Variants in ADGRL3 observed in about 807,000 individuals in gnomAD.
ADGRL3 encodes the protein calcium-independent alpha-latrotoxin receptor 3.
Under a neutral mutation model 153.5 loss-of-function variants are expected in ADGRL3, and 62 were observed. That is an observed-to-expected ratio of 0.40 (90% confidence interval 0.33 to 0.50). ADGRL3 has a LOEUF of 0.50. Ranked by LOEUF, ADGRL3 falls within the 20% of genes least tolerant of loss-of-function variation. The pLI, the probability that ADGRL3 is intolerant of heterozygous loss-of-function variation, is 0.47. For missense variants in ADGRL3, 1,641 were observed against 1,859.4 expected, an observed-to-expected ratio of 0.88 and a Z score of 2.16; for synonymous variants, 710 against 672.5, an observed-to-expected ratio of 1.06 and a Z score of -0.86.
intron 9 of ADGRL3, among the ~76,000 whole-genome samples, chr4:61,883,339 G>T (rs902439118): frequency 1.3e-5 from 2 of 151,980 alleles, no homozygotes; most frequent in African/African-American, 4.8e-5. Context: ...CTTCTGTATC[G>T]CCAGCACTTA....
At chr4:61,510,583 T>C (rs187206064) in intron 3 of ADGRL3, among the ~76,000 whole-genome samples, 188 of 152,334 alleles carry the variant, frequency 1.2e-3, no homozygotes, top group Middle Eastern at 3.4e-3. Flanking sequence ...TGTGTGGCTT[T>C]ATTTCTGGCT....
At chr4:61,296,750 T>C (rs2094426657) in intron 1 of ADGRL3, among the ~76,000 whole-genome samples, 1 of 152,170 alleles carries the variant, frequency 6.6e-6, no homozygotes, top group Admixed American at 6.6e-5. Context: ...TGATATTGTG[T>C]ACCTTTATTT....
intron 8 of ADGRL3, among the ~76,000 whole-genome samples, chr4:61,735,349 G>A (rs2096494599): frequency 6.6e-6 from 1 of 152,150 alleles, no homozygotes; most frequent in South Asian, 2.1e-4. Flanking sequence ...ACGTTGAATT[G>A]GCTTTTACGG....
At chr4:61,698,236 G>T (rs2095678099) in intron 6 of ADGRL3, among the ~76,000 whole-genome samples, 1 of 152,142 alleles carries the variant, frequency 6.6e-6, no homozygotes, top group Admixed American at 6.5e-5. Flanking sequence ...CAGATCATGA[G>T]GTCAGGAGAT....
At position 61,380,337 on chromosome 4, in the gene ADGRL3, G is replaced by C. The variant is rs117229900; in HGVS notation, c.-239-2787G>C. 1.0e-3 allele frequency among the ~76,000 whole-genome samples: 155 copies of C among 152,016 alleles called. 4 individuals are homozygous for C. The East Asian group carries it at 0.028, about 27-fold the overall frequency. Reference sequence around the variant, plus strand: ...CACTCCTGAATTCATACCAACTAGAGCAGTGCCTGGCATTGAGTAAATATT... The same window carrying C: ...CACTCCTGAATTCATACCAACTAGACCAGTGCCTGGCATTGAGTAAATATT... On this transcript the variant is annotated intron_variant, in intron 1 of 26. Transcript: ENST00000683033.
At chr4:61,883,838 CTTG>C (rs1392126158) in intron 9 of ADGRL3, among the ~76,000 whole-genome samples, 2 of 151,976 alleles carry the variant, frequency 1.3e-5, no homozygotes, top group African/African-American at 4.8e-5. Context: ...ATTAACTCTT[CTTG>C]AGGGTAGTAC....
At chr4:61,908,884 A>C (rs140082955) in intron 11 of ADGRL3, among the ~76,000 whole-genome samples, 1 of 152,142 alleles carries the variant, frequency 6.6e-6, no homozygotes, top group Non-Finnish European at 1.5e-5. Context: ...TGTTCTAGTG[A>C]TGATGAGGTA....
Position 62,072,625 on chromosome 4 carries a change from G to A in ADGRL3, c.*1717G>A, listed in dbSNP as rs1012155416. ...AAAATCATACAGGTTTGCAGACAAA[G>A]TAAACCAGAAAAATGGAATGGGCAT... On this transcript the variant is annotated 3_prime_UTR_variant, in exon 27 of 27. Transcript: ENST00000683033. 2.0e-5 allele frequency: 3 copies of A among 152,128 alleles called. No homozygotes were observed. Among genetic ancestry groups the A allele is most frequent in the Non-Finnish European group, 2.9e-5 (2 of 68,004 alleles). 9.4% of individuals were successfully genotyped at this position (152,128 alleles called of 1,614,324 possible).
chr4:61,649,382 G>A (rs1234786161), intron 5 of ADGRL3, among the ~76,000 whole-genome samples: 1 of 152,056 alleles, frequency 6.6e-6, no homozygotes, highest in Non-Finnish European at 1.5e-5. Flanking sequence ...AAGGTTTAAG[G>A]TTGTAGGTCT....
At chr4:61,533,809 A>T (rs2152966763) in intron 4 of ADGRL3, among the ~76,000 whole-genome samples, 1 of 152,276 alleles carries the variant, frequency 6.6e-6, no homozygotes, top group Non-Finnish European at 1.5e-5. Context: ...TTGAAATTTT[A>T]GCGTAAAAAA....
At chr4:61,776,058 A>G (rs970767609) in intron 8 of ADGRL3, among the ~76,000 whole-genome samples, 3 of 151,386 alleles carry the variant, frequency 2.0e-5, no homozygotes, top group Non-Finnish European at 4.4e-5. Context: ...CCGCCACCAC[A>G]CCCGGCTAAT....
intron 5 of ADGRL3, among the ~76,000 whole-genome samples, chr4:61,675,170 C>G (rs145500124): frequency 6.6e-6 from 1 of 151,862 alleles, no homozygotes; most frequent in Non-Finnish European, 1.5e-5. Context: ...GTAAACCCAA[C>G]GTATTTTTAC....
intron 4 of ADGRL3, among the ~76,000 whole-genome samples, chr4:61,557,662 T>G (rs1560836944): frequency 6.6e-6 from 1 of 152,144 alleles, no homozygotes; most frequent in Non-Finnish European, 1.5e-5. Context: ...GCTTTAGGTC[T>G]CCAGAGTTGC....
chr4:61,502,147 A>G (rs1451886271), intron 3 of ADGRL3, among the ~76,000 whole-genome samples: 1 of 152,128 alleles, frequency 6.6e-6, no homozygotes, highest in Non-Finnish European at 1.5e-5. Flanking sequence ...AAAACCCAGT[A>G]ATAACGTAGG....
intron 8 of ADGRL3, among the ~76,000 whole-genome samples, chr4:61,735,098 T>C (rs1192740803): frequency 6.6e-6 from 1 of 152,246 alleles, no homozygotes; most frequent in Non-Finnish European, 1.5e-5. Flanking sequence ...GCCAATGGCC[T>C]TGTCTTACTC....
chr4:61,260,077 T>C (rs1406249100), intron 1 of ADGRL3, among the ~76,000 whole-genome samples: 1 of 152,216 alleles, frequency 6.6e-6, no homozygotes, highest in Non-Finnish European at 1.5e-5. Context: ...ATAAACATGC[T>C]ATATATTAAT....
At chr4:61,523,581 T>G (rs772599897) in intron 4 of ADGRL3, among the ~76,000 whole-genome samples, 12 of 152,118 alleles carry the variant, frequency 7.9e-5, no homozygotes, top group Non-Finnish European at 1.6e-4. Flanking sequence ...ATTCTTATTT[T>G]ATGTGGGAAG....
intron 8 of ADGRL3, among the ~76,000 whole-genome samples, chr4:61,757,641 G>T (rs1195360821): frequency 6.6e-6 from 1 of 151,994 alleles, no homozygotes; most frequent in African/African-American, 2.4e-5. Context: ...TCTGATCTTA[G>T]TTATTTCTTG....
chr4:61,914,964 A>C (rs2098738449), intron 13 of ADGRL3, among the ~76,000 whole-genome samples: 1 of 152,134 alleles, frequency 6.6e-6, no homozygotes, highest in African/African-American at 2.4e-5. Context: ...ATGAGCAATT[A>C]GAAACTTAAA....
Sources: allele counts gnomAD v4.1 joint callset (sites outside exome capture counted in the v4.1 genomes callset), GRCh38; gene constraint gnomAD v4.1.1; transcripts MANE v1.5; gene names NCBI Gene and HGNC (gene_info 2026-07-23, HGNC 2026-07-21).